HNRNPC: variants seen among roughly 807,000 people sequenced by gnomAD.
The protein encoded by HNRNPC is heterogeneous nuclear ribonucleoproteins C1/C2.
HNRNPC carries 3 observed loss-of-function variants against 33.2 expected under a neutral mutation model. The ratio of observed to expected loss-of-function variants is 0.09; its 90% CI spans 0.04 to 0.23. The LOEUF (loss-of-function observed/expected upper bound fraction) is 0.23, where lower values mean the gene tolerates loss of function less well. Among genes scored for constraint, HNRNPC ranks in the 10% least tolerant of loss-of-function variants. The probability of loss-of-function intolerance (pLI) is 1.00; values close to 1 mark genes in which losing one functional copy is unlikely to be tolerated. For missense variants in HNRNPC, 143 were observed against 366.7 expected, an observed-to-expected ratio of 0.39 and a Z score of 4.98; for synonymous variants, 121 against 126.7, an observed-to-expected ratio of 0.96 and a Z score of 0.30.
rs557744969 is a variant in HNRNPC at position 21,241,285 on chromosome 14, A to G, written c.-36-7056T>C. 2.7e-5 allele frequency among the ~76,000 whole-genome samples: 4 copies of G among 150,632 alleles called. No homozygotes were observed. In the East Asian group the frequency reaches 7.8e-4, roughly 29 times the overall value. On this transcript the variant is annotated intron_variant, in intron 2 of 8. Transcript: ENST00000553300. Reference sequence around the variant, plus strand: ...AAAAAAAAAAAAAAAAACCACAACCATAACAACAAAAAAACCTAAAGTAGC... The same window carrying G: ...AAAAAAAAAAAAAAAAACCACAACCGTAACAACAAAAAAACCTAAAGTAGC...
chr14:21,211,387 C>G lies in HNRNPC; in HGVS notation c.798+19G>C. Reference sequence around the variant, plus strand: ...GCCCCCCTCCACCACCTTTTTCTTTCCTTTCCCGTGGTTTTCACCTGGTCA... The same window carrying G: ...GCCCCCCTCCACCACCTTTTTCTTTGCTTTCCCGTGGTTTTCACCTGGTCA... On this transcript the variant is annotated intron_variant, in intron 8 of 8. Transcript: ENST00000553300. The G allele has an allele frequency of 2.8e-6, 4 of 1,433,904 alleles. No individual in the cohort carries two copies. Among genetic ancestry groups the G allele is most frequent in the Non-Finnish European group, 3.7e-6 (4 of 1,070,294 alleles). The allele number at this position is 1,433,904 out of a possible 1,614,324, so 88.8% of individuals were successfully genotyped here. A position where few individuals can be genotyped will look rare whatever the true frequency, so the allele number is the denominator to read the frequency against.
intron 2 of HNRNPC, among the ~76,000 whole-genome samples, chr14:21,244,812 C>T (rs1299237021): frequency 6.6e-6 from 1 of 152,138 alleles, no homozygotes; most frequent in Non-Finnish European, 1.5e-5. Context: ...ATGCACAGTA[C>T]TGAACACTAT....
Position 21,218,517 on chromosome 14 carries a change from T to C in HNRNPC, c.366-5400A>G, listed in dbSNP as rs1272142621. Among the ~76,000 whole-genome samples, 4 of 148,172 alleles carry C rather than the reference T, an allele frequency of 2.7e-5. 1 individual carries two copies. Among genetic ancestry groups the C allele is most frequent in the African/African-American group, 7.5e-5 (3 of 40,072 alleles). On this transcript the variant is annotated intron_variant, in intron 5 of 8. Transcript: ENST00000553300. ...GCCTGGCCAACATGGTGAAACCCGG[T>C]TTCTACTAAAATACAAAAAAATCAG...
In HNRNPC at chr14:21,217,633, C is replaced by T. The variant is rs563672882; in HGVS notation, c.366-4516G>A. Among the ~76,000 whole-genome samples, 69 of 152,192 alleles carry T rather than the reference C, an allele frequency of 4.5e-4. 1 individual carries two copies. Among genetic ancestry groups the T allele is most frequent in the African/African-American group, 1.6e-3 (68 of 41,518 alleles). ...TACCAAAGAATAGGTAGCAATAGCTCCTATACTGAGCCAATGGCATCAATC... is the reference window on the plus strand; with the variant it reads ...TACCAAAGAATAGGTAGCAATAGCTTCTATACTGAGCCAATGGCATCAATC... On this transcript the variant is annotated intron_variant, in intron 5 of 8. Transcript: ENST00000553300.
intron 7 of HNRNPC, 27 bp downstream of exon 7, chr14:21,211,783 C>T (rs1403109790): frequency 6.3e-7 from 1 of 1,590,062 alleles, no homozygotes; most frequent in Admixed American, 1.7e-5. Context: ...CAACTGTATA[C>T]CAAGGGCAAG....
intron 5 of HNRNPC, among the ~76,000 whole-genome samples, chr14:21,228,868 T>G (rs769610967): frequency 6.9e-6 from 1 of 144,768 alleles, no homozygotes; most frequent in Non-Finnish European, 1.5e-5. Context: ...GTAGATCACC[T>G]CAGTTCAGGA....
At chr14:21,247,405 A>G (rs1207206356) in intron 2 of HNRNPC, among the ~76,000 whole-genome samples, 1 of 152,174 alleles carries the variant, frequency 6.6e-6, no homozygotes, top group Non-Finnish European at 1.5e-5. Flanking sequence ...CTTCAATACA[A>G]AAGTTTTTCG....
intron 6 of HNRNPC, 100 bp from the exon 7 acceptor site, chr14:21,212,023 A>G (rs951441665): frequency 2.4e-5 from 21 of 893,216 alleles, no homozygotes; most frequent in Non-Finnish European, 3.4e-5. Flanking sequence ...CACAGGAGAT[A>G]CCCAGGGAGA....
chr14:21,241,484 T>A (rs2139712703), intron 2 of HNRNPC, among the ~76,000 whole-genome samples: 1 of 152,352 alleles, frequency 6.6e-6, no homozygotes, highest in Non-Finnish European at 1.5e-5. Flanking sequence ...TTTCAGTCAT[T>A]CACAATTTCT....
At chr14:21,230,562 T>C (rs1175644901) in intron 4 of HNRNPC, 196 bp from the exon 5 acceptor site, 5 of 546,892 alleles carry the variant, frequency 9.1e-6, no homozygotes, top group African/African-American at 7.7e-5. Context: ...GCGGTCAAAT[T>C]GGAAATTCAG....
intron 5 of HNRNPC, among the ~76,000 whole-genome samples, chr14:21,218,877 C>T (rs993771379): frequency 2.0e-5 from 3 of 151,090 alleles, no homozygotes; most frequent in African/African-American, 4.9e-5. Flanking sequence ...TATGGGAGGC[C>T]GAGGAGGGCA....
chr14:21,216,120 C>CAAAAA (rs370660995), intron 5 of HNRNPC, among the ~76,000 whole-genome samples: 7 of 87,836 alleles, frequency 8.0e-5, no homozygotes, highest in African/African-American at 2.2e-4. Context: ...CCTCCACCAC[C>CAAAAA]AAAAAAAAAA....
chr14:21,252,466 C>T (rs995018143), intron 2 of HNRNPC, among the ~76,000 whole-genome samples: 11 of 152,068 alleles, frequency 7.2e-5, no homozygotes, highest in Non-Finnish European at 1.3e-4. Flanking sequence ...ATGCACTGCC[C>T]TACCCAGGTA....
rs1424107487 is a variant in HNRNPC, at chr14:21,210,158, A to G, written c.*1065T>C. The G allele has an allele frequency of 6.6e-6, 1 of 152,234 alleles. No individual in the cohort carries two copies. The highest frequency in any genetic ancestry group is 1.5e-5 in the Non-Finnish European group (1 of 68,050). 9.4% of individuals were successfully genotyped at this position (152,234 alleles called of 1,614,324 possible). A position where few individuals can be genotyped will look rare whatever the true frequency, so the allele number is the denominator to read the frequency against. On this transcript the variant is annotated 3_prime_UTR_variant, in exon 9 of 9. Transcript: ENST00000553300. Reference sequence around the variant, plus strand: ...AACAAAATAGAAGCAGGGGGGTTCCATTATGCAGCTGTCGCCATTTTCCTG... The same window carrying G: ...AACAAAATAGAAGCAGGGGGGTTCCGTTATGCAGCTGTCGCCATTTTCCTG...
chr14:21,226,398 A>G (rs1351381889), intron 5 of HNRNPC, among the ~76,000 whole-genome samples: 2 of 151,910 alleles, frequency 1.3e-5, no homozygotes, highest in Non-Finnish European at 2.9e-5. Flanking sequence ...TTTCATGTAT[A>G]TGCCAGCCTA....
Position 21,244,750 on chromosome 14 carries a change from AC to A in HNRNPC, c.-36-10522del, listed in dbSNP as rs1296072109. 7.9e-5 allele frequency among the ~76,000 whole-genome samples: 12 copies of A among 152,174 alleles called. No individual in the cohort carries two copies. The East Asian group carries it at 2.3e-3, about 29-fold the overall frequency. ...AGCTAGATAGTGTAGCCTACCACAC[AC>A]CTAGCCTGTATCGTATAGCCTATTG... On this transcript the variant is annotated intron_variant, in intron 2 of 8. Transcript: ENST00000553300.
chr14:21,211,724 A>T, intron 7 of HNRNPC, 86 bp downstream of exon 7: 2 of 1,422,542 alleles, frequency 1.4e-6, no homozygotes, highest in South Asian at 2.4e-5. Context: ...ACATTGCTTT[A>T]TATTCCACTA....
Position 21,209,252 on chromosome 14 carries a change from CATCTGCAG to C in HNRNPC, c.*1963_*1970del, listed in dbSNP as rs1286510372. 1 of 152,112 alleles carries C rather than the reference CATCTGCAG, an allele frequency of 6.6e-6. No homozygotes were observed. The highest frequency in any genetic ancestry group is 2.4e-5 in the African/African-American group (1 of 41,414). The allele number at this position is 152,112 out of a possible 1,614,324, so 9.4% of individuals were successfully genotyped here. ...TGCCATTTTATGTAAGGGACTTGAACATCTGCAGATTGTGGTGTTCACAGCTAAACAGA... is the reference window on the plus strand; with the variant it reads ...TGCCATTTTATGTAAGGGACTTGAACATTGTGGTGTTCACAGCTAAACAGA... On this transcript the variant is annotated 3_prime_UTR_variant, in exon 9 of 9. Transcript: ENST00000553300.
intron 1 of HNRNPC, among the ~76,000 whole-genome samples, chr14:21,267,408 G>A (rs1480034099): frequency 2.0e-5 from 3 of 151,996 alleles, no homozygotes; most frequent in Non-Finnish European, 4.4e-5. Flanking sequence ...TGCTTGTTTC[G>A]CACAGCCATT....
Sources: allele counts gnomAD v4.1 joint callset (sites outside exome capture counted in the v4.1 genomes callset), GRCh38; gene constraint gnomAD v4.1.1; transcripts MANE v1.5; gene names NCBI Gene and HGNC (gene_info 2026-07-23, HGNC 2026-07-21).